Variants in RBFOX1 observed in about 807,000 individuals in gnomAD.
The protein encoded by RBFOX1 is RNA binding protein fox-1 homolog 1.
RBFOX1 carries 8 observed loss-of-function variants against 57.7 expected under a neutral mutation model. That is an observed-to-expected ratio of 0.14 (90% CI 0.08 to 0.25). The LOEUF (loss-of-function observed/expected upper bound fraction) is 0.25. RBFOX1 is among the 10% of genes least tolerant of loss of function. The pLI, the probability that RBFOX1 is intolerant of heterozygous loss-of-function variation, is 1.00. For missense variants in RBFOX1, 611 were observed against 548.5 expected (o/e 1.11, Z -1.14); for synonymous variants, 326 against 222.4 (o/e 1.47, Z -4.15).
chr16:5,419,589 T>C (rs2067253827), intron 1 of RBFOX1, among the ~76,000 whole-genome samples: 1 of 151,934 alleles, frequency 6.6e-6, no homozygotes, highest in Non-Finnish European at 1.5e-5. Flanking sequence ...TCCAATCAAG[T>C]TGATGCTCAG....
At chr16:5,558,813 G>A (rs2045778320) in intron 2 of RBFOX1, among the ~76,000 whole-genome samples, 1 of 152,088 alleles carries the variant, frequency 6.6e-6, no homozygotes, top group Non-Finnish European at 1.5e-5. Flanking sequence ...TGCATCATGA[G>A]CATGCAAAGG....
chr16:6,782,155 C>T (rs985628653), intron 3 of RBFOX1, among the ~76,000 whole-genome samples: 14 of 152,074 alleles, frequency 9.2e-5, no homozygotes, highest in African/African-American at 2.9e-4. Context: ...TACGGGCATG[C>T]ACCACCACAC....
chr16:7,567,712 A>ATATATATATCCCTATATATAATCCC (rs1347820463), intron 5 of RBFOX1, among the ~76,000 whole-genome samples: 210 of 3,788 alleles, frequency 0.055, 4 homozygotes, highest in African/African-American at 0.098. Flanking sequence ...TATAATCCCT[A>ATATATATATCCCTATATATAATCCC]TATATATATA....
intron 1 of RBFOX1, among the ~76,000 whole-genome samples, chr16:6,182,016 C>T (rs1200992529): frequency 6.6e-6 from 1 of 152,122 alleles, no homozygotes; most frequent in African/African-American, 2.4e-5. Flanking sequence ...AGCCAGAGTT[C>T]AGTCACATGG....
intron 1 of RBFOX1, among the ~76,000 whole-genome samples, chr16:6,258,373 C>A (rs1296818199): frequency 6.6e-6 from 1 of 152,174 alleles, no homozygotes; most frequent in Non-Finnish European, 1.5e-5. Context: ...TACTCAAGTT[C>A]ATTGTGTTTC....
intron 2 of RBFOX1, among the ~76,000 whole-genome samples, chr16:6,360,953 A>ATTTTG (rs1339770639): frequency 6.6e-6 from 1 of 150,532 alleles, no homozygotes; most frequent in African/African-American, 2.5e-5. Context: ...CATCTTTTTT[A>ATTTTG]TTTTATTTTA....
chr16:6,843,161 C>A (rs911806501), intron 3 of RBFOX1, among the ~76,000 whole-genome samples: 2 of 152,076 alleles, frequency 1.3e-5, no homozygotes, highest in Non-Finnish European at 2.9e-5. Flanking sequence ...GCATATGATT[C>A]TCTGAGCAAA....
chr16:6,218,401 A>G (rs1333972655), intron 1 of RBFOX1, among the ~76,000 whole-genome samples: 1 of 152,090 alleles, frequency 6.6e-6, no homozygotes, highest in Non-Finnish European at 1.5e-5. Context: ...ACCTGCCTCC[A>G]GGGTTCAAGT....
Position 5,317,343 on chromosome 16 carries a change from T to C in RBFOX1, c.219+77238T>C, listed in dbSNP as rs1033368671. Among the ~76,000 whole-genome samples the C allele has an allele frequency of 5.9e-5, 9 of 152,342 alleles. No individual in the cohort carries two copies. In the South Asian group the frequency reaches 1.9e-3, roughly 32 times the overall value. Reference sequence around the variant, plus strand: ...CACATTCCTGGCCAGGCGCAGTGGCTAATATCTGTAATCCCAGCAGTTTAG... The same window carrying C: ...CACATTCCTGGCCAGGCGCAGTGGCCAATATCTGTAATCCCAGCAGTTTAG... On this transcript the variant is annotated intron_variant, in intron 1 of 2. Transcript: ENST00000585867.
intron 12 of RBFOX1, among the ~76,000 whole-genome samples, chr16:7,662,203 A>G (rs2067942315): frequency 6.6e-6 from 1 of 152,160 alleles, no homozygotes; most frequent in Admixed American, 6.6e-5. Flanking sequence ...CACCATTGAG[A>G]TCTTTAGAAG....
intron 3 of RBFOX1, among the ~76,000 whole-genome samples, chr16:6,795,238 C>T (rs2083734878): frequency 6.6e-6 from 1 of 152,058 alleles, no homozygotes; most frequent in South Asian, 2.1e-4. Context: ...CACAAACCAC[C>T]TAAATTTTTT....
intron 4 of RBFOX1, among the ~76,000 whole-genome samples, chr16:5,926,949 A>G (rs1159066212): frequency 2.0e-5 from 3 of 152,156 alleles, no homozygotes; most frequent in Non-Finnish European, 2.9e-5. Context: ...TGGGATGTGA[A>G]TGCGTGCATT....
chr16:6,565,852 G>C (rs139880584), intron 2 of RBFOX1, among the ~76,000 whole-genome samples: 7 of 152,352 alleles, frequency 4.6e-5, no homozygotes, highest in African/African-American at 1.2e-4. Flanking sequence ...CTATCAATCA[G>C]GGTAAGACAG....
intron 3 of RBFOX1, among the ~76,000 whole-genome samples, chr16:6,907,232 G>C (rs1165077778): frequency 6.6e-6 from 1 of 152,126 alleles, no homozygotes; most frequent in African/African-American, 2.4e-5. Context: ...ATCCTACAGT[G>C]CGCAGGATGG....
chr16:6,993,424 C>T (rs1187008677), intron 3 of RBFOX1, among the ~76,000 whole-genome samples: 1 of 152,126 alleles, frequency 6.6e-6, no homozygotes, highest in Non-Finnish European at 1.5e-5. Flanking sequence ...AGAGCATATT[C>T]TAAATGCATT....
chr16:7,472,644 T>C (rs2061784350), intron 4 of RBFOX1, among the ~76,000 whole-genome samples: 1 of 152,216 alleles, frequency 6.6e-6, no homozygotes, highest in Non-Finnish European at 1.5e-5. Context: ...GCACTGTAGC[T>C]ATTTTTGAGC....
intron 2 of RBFOX1, among the ~76,000 whole-genome samples, chr16:6,407,290 A>G (rs183872828): frequency 5.9e-5 from 9 of 152,230 alleles, no homozygotes; most frequent in South Asian, 2.1e-4. Context: ...GTCTATATCC[A>G]TATCAAATAT....
chr16:6,688,608 A>G (rs1023055238), intron 3 of RBFOX1, among the ~76,000 whole-genome samples: 1 of 152,028 alleles, frequency 6.6e-6, no homozygotes, highest in Non-Finnish European at 1.5e-5. Context: ...TCACTGTCCA[A>G]CCAGCCATTT....
intron 2 of RBFOX1, among the ~76,000 whole-genome samples, chr16:6,587,618 A>G (rs949392773): frequency 7.9e-5 from 12 of 152,152 alleles, no homozygotes; most frequent in African/African-American, 2.4e-4. Flanking sequence ...TTAATGCTAG[A>G]AGAAGCTAGA....
Sources: gnomAD v4.1 joint callset for allele counts (sites outside exome capture counted in the v4.1 genomes callset) on GRCh38, gnomAD v4.1.1 for gene constraint, MANE v1.5 for transcripts, NCBI Gene and HGNC (gene_info 2026-07-23, HGNC 2026-07-21) for gene names.